The following TAFA5 variants were observed in gnomAD, a reference collection of about 807,000 sequenced individuals.
The protein encoded by TAFA5 is chemokine-like protein TAFA-5.
In TAFA5, 6 loss-of-function variants were observed where a neutral mutation model predicts 15.3. That is an observed-to-expected ratio of 0.39 (90% CI 0.21 to 0.77). TAFA5 has a LOEUF of 0.77. TAFA5 is among the 30% of genes least tolerant of loss of function. The pLI is 0.41. For synonymous variants in TAFA5, 103 were observed against 80.7 expected (o/e 1.28, Z -1.48); for missense variants, 161 against 193.1 (o/e 0.83, Z 0.98).
At chr22:48,629,863 C>A (rs772664196) in intron 1 of TAFA5, among the ~76,000 whole-genome samples, 4 of 152,338 alleles carry the variant, frequency 2.6e-5, no homozygotes, top group East Asian at 3.9e-4. Context: ...CAGATGCCAC[C>A]CGGCAACGCC....
At chr22:48,699,060 G>A (rs1054591453) in intron 2 of TAFA5, among the ~76,000 whole-genome samples, 1 of 151,564 alleles carries the variant, frequency 6.6e-6, no homozygotes, top group African/African-American at 2.4e-5. Context: ...CCCTGCCTCG[G>A]CCTCCTGAGT....
chr22:48,572,978 T>C (rs910580), intron 1 of TAFA5, among the ~76,000 whole-genome samples: 34,638 of 152,216 alleles, frequency 0.23, 4,285 homozygotes, highest in East Asian at 0.46. Flanking sequence ...TTTAGAGACA[T>C]GTTAAATGCT....
intron 1 of TAFA5, among the ~76,000 whole-genome samples, chr22:48,612,796 G>C (rs1301801532): frequency 6.6e-6 from 1 of 152,172 alleles, no homozygotes; most frequent in Non-Finnish European, 1.5e-5. Flanking sequence ...AGGGCCCGCT[G>C]ATGTGTCTCC....
chr22:48,490,358 G>T lies in TAFA5; in HGVS notation c.112+654G>T, dbSNP rs982529434. 2.6e-5 allele frequency among the ~76,000 whole-genome samples: 4 copies of T among 152,040 alleles called. 1 individual carries two copies. Among genetic ancestry groups the T allele is most frequent in the South Asian group, 4.1e-4 (2 of 4,822 alleles). ...CTGGTGACCGGCGGGACTGGCGCGG[G>T]CGCGGGCTGGGGTGGTGCGGGCCAG... is the stretch of plus-strand genomic sequence containing the variant. On this transcript the variant is annotated intron_variant, in intron 1 of 3. Coordinates refer to ENST00000402357, the MANE Select transcript of TAFA5 (RefSeq NM_001082967.3). The surrounding 1 kb of genome is among the most constrained non-coding windows in gnomAD (Gnocchi z 5.8).
At chr22:48,697,079 G>T (rs530942627) in intron 2 of TAFA5, among the ~76,000 whole-genome samples, 1 of 152,260 alleles carries the variant, frequency 6.6e-6, no homozygotes, top group Non-Finnish European at 1.5e-5. Context: ...AGGGATGGAA[G>T]TTCTGAGCTG....
chr22:48,745,717 A>T lies in TAFA5; in HGVS notation c.391-4122A>T, dbSNP rs948059236. On this transcript the variant is annotated intron_variant, in intron 3 of 3. Transcript: ENST00000402357. ...CTCCTGTCAGATGCCTCTTCTGTCC[A>T]CTGTGGTCCACGTGGGTACTTGGAG... 2.6e-5 allele frequency among the ~76,000 whole-genome samples: 4 copies of T among 152,258 alleles called. No homozygotes were observed. In the East Asian group the frequency reaches 5.8e-4, roughly 22 times the overall value.
chr22:48,601,245 C>G (rs1834007168), intron 1 of TAFA5, among the ~76,000 whole-genome samples: 2 of 152,150 alleles, frequency 1.3e-5, no homozygotes, highest in Non-Finnish European at 2.9e-5. Flanking sequence ...TTCGATGTAT[C>G]CCTTATGGAG....
Position 48,751,382 on chromosome 22 carries a change from C to T in TAFA5, c.*1535C>T, listed in dbSNP as rs555574255. The T allele has an allele frequency of 2.6e-5, 4 of 152,572 alleles. No individual in the cohort carries two copies. Among genetic ancestry groups the T allele is most frequent in the African/African-American group, 7.2e-5 (3 of 41,556 alleles). The allele number at this position is 152,572 out of a possible 1,614,324, so 9.5% of individuals were successfully genotyped here. On this transcript the variant is annotated 3_prime_UTR_variant, in exon 4 of 4. Coordinates refer to ENST00000402357, the MANE Select transcript of TAFA5 (RefSeq NM_001082967.3). Reference sequence around the variant, plus strand: ...TAAGCGACAATTCTGGTTTTTCTCCCCTGGCCGTCGTTCGCCAGCCTCCTT... The same window carrying T: ...TAAGCGACAATTCTGGTTTTTCTCCTCTGGCCGTCGTTCGCCAGCCTCCTT...
chr22:48,699,056 C>T (rs1208555201), intron 2 of TAFA5, among the ~76,000 whole-genome samples: 2 of 151,678 alleles, frequency 1.3e-5, no homozygotes, highest in Non-Finnish European at 2.9e-5. Context: ...ATTCCCCTGC[C>T]TCGGCCTCCT....
intron 3 of TAFA5, among the ~76,000 whole-genome samples, chr22:48,716,868 C>T (rs905537777): frequency 1.3e-5 from 2 of 152,114 alleles, no homozygotes; most frequent in Admixed American, 6.5e-5. Context: ...AAAACTGAGG[C>T]AATCTCTCAG....
At chr22:48,748,212 A>G (rs132264) in intron 3 of TAFA5, among the ~76,000 whole-genome samples, 108,680 of 152,204 alleles carry the variant, frequency 0.71, 40,329 homozygotes, top group African/African-American at 0.86. Flanking sequence ...CTTGTTGGGC[A>G]TCCACAGCCC....
At chr22:48,494,786 C>G (rs2147092339) in intron 1 of TAFA5, among the ~76,000 whole-genome samples, 1 of 152,360 alleles carries the variant, frequency 6.6e-6, no homozygotes, top group East Asian at 1.9e-4. Context: ...TGCCTCGGTG[C>G]TGGGCTTTCC....
chr22:48,511,152 G>A (rs960088166), intron 1 of TAFA5, among the ~76,000 whole-genome samples: 1 of 152,228 alleles, frequency 6.6e-6, no homozygotes, highest in Admixed American at 6.5e-5. Context: ...CCTGGAGGAG[G>A]CCGCTGGGGA....
At chr22:48,526,199 T>C (rs897159516) in intron 1 of TAFA5, among the ~76,000 whole-genome samples, 16 of 152,210 alleles carry the variant, frequency 1.1e-4, no homozygotes, top group African/African-American at 2.9e-4. Flanking sequence ...CGGTCTGGCC[T>C]CATTCTCTCT....
Position 48,489,989 on chromosome 22 carries a change from G to C in TAFA5, c.112+285G>C, listed in dbSNP as rs1020109842. Among the ~76,000 whole-genome samples, 4 of 151,902 alleles carry C rather than the reference G, an allele frequency of 2.6e-5. No homozygotes were observed. Among genetic ancestry groups the C allele is most frequent in the Admixed American group, 6.6e-5 (1 of 15,246 alleles). Reference sequence around the variant, plus strand: ...CTCCAGGCCCCGGGTGGCGCGGCCCGTCCCTGCCCGGCGGTCGGAGCCCAG... The same window carrying C: ...CTCCAGGCCCCGGGTGGCGCGGCCCCTCCCTGCCCGGCGGTCGGAGCCCAG... On this transcript the variant is annotated intron_variant, in intron 1 of 3. Transcript: ENST00000402357. This position sits in a 1 kb window ranked among gnomAD's most constrained non-coding sequence, Gnocchi z 5.5.
intron 1 of TAFA5, among the ~76,000 whole-genome samples, chr22:48,645,964 G>A (rs1926846034): frequency 6.6e-6 from 1 of 152,202 alleles, no homozygotes; most frequent in African/African-American, 2.4e-5. Flanking sequence ...ACATATGTGT[G>A]TGTGGGCGTG....
At chr22:48,654,163 A>G (rs1927153495) in intron 2 of TAFA5, among the ~76,000 whole-genome samples, 1 of 151,866 alleles carries the variant, frequency 6.6e-6, no homozygotes, top group South Asian at 2.1e-4. Flanking sequence ...CCTCCCTTTC[A>G]TAAGGGAGGC....
chr22:48,557,983 C>A (rs1923097323), intron 1 of TAFA5, among the ~76,000 whole-genome samples: 1 of 152,164 alleles, frequency 6.6e-6, no homozygotes, highest in Non-Finnish European at 1.5e-5. Context: ...CAGATTGGAG[C>A]CACGGAGCCC....
intron 1 of TAFA5, among the ~76,000 whole-genome samples, chr22:48,542,572 TG>T (rs1479977202): frequency 7.7e-5 from 9 of 116,612 alleles, no homozygotes; most frequent in African/African-American, 1.4e-4. Context: ...GTGGTGTGTG[TG>T]GTGTGTGTGC....
Sources: gnomAD v4.1 joint callset for allele counts (sites outside exome capture counted in the v4.1 genomes callset) on GRCh38, gnomAD v4.1.1 for gene constraint, Gnocchi (gnomAD v3.1) non-coding constraint, MANE v1.5 for transcripts, NCBI Gene and HGNC (gene_info 2026-07-23, HGNC 2026-07-21) for gene names.